AOPEP: variants seen among roughly 807,000 people sequenced by gnomAD.
The protein encoded by AOPEP is aminopeptidase O.
AOPEP carries 77 observed loss-of-function variants against 98.1 expected under a neutral mutation model. The ratio of observed to expected loss-of-function variants is 0.78; its 90% CI spans 0.65 to 0.95. AOPEP has a LOEUF of 0.95. Among genes scored for constraint, AOPEP ranks in the 40% least tolerant of loss-of-function variants. The pLI, the probability that AOPEP is intolerant of heterozygous loss-of-function variation, is 0.00. For missense variants in AOPEP, 1,024 were observed against 1,024.7 expected, an observed-to-expected ratio of 1.00 and a Z score of 0.01; for synonymous variants, 346 against 365.3, an observed-to-expected ratio of 0.95 and a Z score of 0.60.
Position 94,855,513 on chromosome 9 carries a change from A to G in AOPEP, c.1364+54511A>G, listed in dbSNP as rs943571538. 8.6e-5 allele frequency among the ~76,000 whole-genome samples: 13 copies of G among 151,264 alleles called. 1 individual carries two copies. The South Asian group carries it at 2.7e-3, about 32-fold the overall frequency. On this transcript the variant is annotated intron_variant, in intron 5 of 16. Coordinates refer to ENST00000375315, the MANE Select transcript of AOPEP (RefSeq NM_001193329.3). ...AGACCAGCCTGACCAACGTGGAGAA[A>G]CCCTGTCTCTACTGAAAATACAAGT...
chr9:94,906,400 A>G (rs2051138941), intron 5 of AOPEP, among the ~76,000 whole-genome samples: 1 of 151,828 alleles, frequency 6.6e-6, no homozygotes, highest in Admixed American at 6.6e-5. Context: ...AAGGAGGTCA[A>G]GGCAGCAGTG....
intron 13 of AOPEP, among the ~76,000 whole-genome samples, chr9:95,006,410 C>G (rs1312420127): frequency 2.6e-5 from 4 of 152,190 alleles, no homozygotes; most frequent in Non-Finnish European, 5.9e-5. Context: ...ATGAATCACT[C>G]TTGATTCTGA....
chr9:94,751,758 T>TA (rs1206222745), intron 1 of AOPEP, among the ~76,000 whole-genome samples: 2 of 151,584 alleles, frequency 1.3e-5, no homozygotes, highest in African/African-American at 4.9e-5. Flanking sequence ...TTTTTTTTTT[T>TA]AACTGAAATT....
intron 7 of AOPEP, chr9:94,933,484 G>A (rs1157474811): frequency 2.8e-5 from 28 of 985,230 alleles, no homozygotes; most frequent in Non-Finnish European, 3.4e-5. Context: ...CAACAGGCAG[G>A]AGTCTATGGA....
Position 94,928,513 on chromosome 9 carries a change from A to G in AOPEP, c.1643A>G (p.Glu548Gly). 6.4e-7 allele frequency: 1 copy of G among 1,550,752 alleles called. No homozygotes were observed. Among genetic ancestry groups the G allele is most frequent in the South Asian group, 1.2e-5 (1 of 84,050 alleles). ...CAGGACGAGATGCAATGCTCCCCCG[A>G]GGAGATGCAGGTGTTAAGGTAAAGC... ...RLQDEMQCSPEEMQVLRPSKD... is the reference protein window; with the variant it reads ...RLQDEMQCSPGEMQVLRPSKD... The change falls in exon 7 of 17, where the codon GAG becomes GGG. Residue 548 changes from glutamate (E) to glycine (G), a missense_variant. Coordinates refer to ENST00000375315, the MANE Select transcript of AOPEP (RefSeq NM_001193329.3).
downstream of AOPEP, among the ~76,000 whole-genome samples, chr9:95,089,372 G>A (rs73654516): frequency 0.015 from 2,341 of 152,366 alleles, 63 homozygotes; most frequent in African/African-American, 0.053. Context: ...GGAGAGCAGG[G>A]CTGTCTGCAC....
chr9:94,962,909 A>T (rs1239457058), intron 9 of AOPEP, among the ~76,000 whole-genome samples: 2 of 151,772 alleles, frequency 1.3e-5, no homozygotes, highest in African/African-American at 2.4e-5. Context: ...ACGCCTGGCT[A>T]AATTTTTGTA....
chr9:95,053,978 G>A (rs116029863), intron 13 of AOPEP, among the ~76,000 whole-genome samples: 1,585 of 152,234 alleles, frequency 0.01, 29 homozygotes, highest in African/African-American at 0.037. Flanking sequence ...ACCTCCCAGA[G>A]TGCTGGGATT....
At chr9:94,812,960 C>T (rs925015428) in intron 5 of AOPEP, among the ~76,000 whole-genome samples, 4 of 152,064 alleles carry the variant, frequency 2.6e-5, no homozygotes, top group African/African-American at 9.6e-5. Flanking sequence ...AAACTCAGAC[C>T]CAAGGAACCT....
chr9:95,044,658 GT>G (rs976127911), intron 13 of AOPEP, among the ~76,000 whole-genome samples: 3 of 152,132 alleles, frequency 2.0e-5, no homozygotes, highest in Non-Finnish European at 4.4e-5. Context: ...CTGCAGAAAG[GT>G]TTGTTGAAGG....
At chr9:94,856,129 G>A (rs1331559408) in intron 5 of AOPEP, among the ~76,000 whole-genome samples, 1 of 152,170 alleles carries the variant, frequency 6.6e-6, no homozygotes. Context: ...CTGGGAATGT[G>A]CCATGTCTGT....
At chr9:94,860,336 A>G (rs1023296114) in intron 5 of AOPEP, among the ~76,000 whole-genome samples, 6 of 151,790 alleles carry the variant, frequency 4.0e-5, no homozygotes, top group Non-Finnish European at 1.5e-5. Flanking sequence ...GCAGGGCCTC[A>G]TATAAATCTG....
intron 3 of AOPEP, among the ~76,000 whole-genome samples, chr9:94,777,281 A>T (rs572811551): frequency 1.3e-5 from 2 of 152,092 alleles, no homozygotes; most frequent in East Asian, 3.9e-4. Context: ...AAATACAAAA[A>T]ATTAGCCGGG....
At chr9:94,773,682 A>G (rs925405507) in intron 3 of AOPEP, among the ~76,000 whole-genome samples, 1 of 152,248 alleles carries the variant, frequency 6.6e-6, no homozygotes, top group Non-Finnish European at 1.5e-5. Context: ...GTGCTAATGC[A>G]TCATCAAGGT....
the AOPEP span, among the ~76,000 whole-genome samples, chr9:95,134,299 C>T: frequency 6.6e-6 from 1 of 152,170 alleles, no homozygotes. Flanking sequence ...CTGAACTAAA[C>T]AAGTTGAAGG....
At chr9:94,883,751 T>A (rs2047863873) in intron 5 of AOPEP, among the ~76,000 whole-genome samples, 1 of 152,246 alleles carries the variant, frequency 6.6e-6, no homozygotes, top group African/African-American at 2.4e-5. Flanking sequence ...CATAAGTTTA[T>A]TCTTATGAGA....
At chr9:94,741,807 A>G (rs991493656) in intron 1 of AOPEP, among the ~76,000 whole-genome samples, 3 of 152,150 alleles carry the variant, frequency 2.0e-5, no homozygotes, top group Non-Finnish European at 4.4e-5. Context: ...TCTGCTCATC[A>G]CAGTCATTCT....
At chr9:95,098,680 G>A in the AOPEP span, among the ~76,000 whole-genome samples, 2 of 152,222 alleles carry the variant, frequency 1.3e-5, no homozygotes, top group African/African-American at 4.8e-5. Flanking sequence ...GTGAAGCAAC[G>A]GAGCGAGCAA....
At chr9:94,782,274 C>T (rs930846669) in intron 3 of AOPEP, among the ~76,000 whole-genome samples, 2 of 152,048 alleles carry the variant, frequency 1.3e-5, no homozygotes, top group African/African-American at 4.8e-5. Context: ...AGAAGACTGC[C>T]TAATGGAAGC....
Sources: gnomAD v4.1 joint callset for allele counts (sites outside exome capture counted in the v4.1 genomes callset) on GRCh38, gnomAD v4.1.1 for gene constraint, MANE v1.5 for transcripts, NCBI Gene and HGNC (gene_info 2026-07-23, HGNC 2026-07-21) for gene names.